Variants in CTIF observed in about 807,000 individuals in gnomAD.
CTIF encodes the protein cap binding complex dependent translation initiation factor.
Under a neutral mutation model 66.0 loss-of-function variants are expected in CTIF, and 21 were observed. The ratio of observed to expected loss-of-function variants is 0.32; its 90% CI spans 0.23 to 0.46. The LOEUF (loss-of-function observed/expected upper bound fraction) is 0.46. Ranked by LOEUF, CTIF falls within the 20% of genes least tolerant of loss-of-function variation. CTIF has a pLI of 1.00. For synonymous variants in CTIF, 345 were observed against 326.4 expected (o/e 1.06, Z -0.62); for missense variants, 739 against 812.7 (o/e 0.91, Z 1.10).
rs1479132492 is a variant in CTIF at position 48,636,641 on chromosome 18, G to A, written c.208G>A (p.Asp70Asn). Reference sequence around the variant, plus strand: ...GACAGCGGACTGCAGCGAACCGCTGGACAGCAGCTGTTCCTTCTCCCGAGG... The same window carrying A: ...GACAGCGGACTGCAGCGAACCGCTGAACAGCAGCTGTTCCTTCTCCCGAGG... ...QWTADCSEPL[D>N]SSCSFSRGRA... is the part of the protein sequence containing the mutation. The change falls in exon 3 of 12, where the codon GAC becomes AAC. Residue 70 changes from aspartate to asparagine, a missense_variant. By Grantham distance (23) the Asp-to-Asn change is conservative (BLOSUM62 1). Coordinates refer to ENST00000256413, the MANE Select transcript of CTIF (RefSeq NM_014772.3). The A allele has an allele frequency of 1.3e-5, 20 of 1,597,528 alleles. No individual in the cohort carries two copies. Among genetic ancestry groups the A allele is most frequent in the Non-Finnish European group, 1.6e-5 (19 of 1,173,608 alleles).
chr18:48,859,143 T>C (rs970952498), intron 11 of CTIF, among the ~76,000 whole-genome samples: 1 of 152,116 alleles, frequency 6.6e-6, no homozygotes, highest in African/African-American at 2.4e-5. Flanking sequence ...TGCTGGCAGA[T>C]TGGTTGGTAA....
intron 9 of CTIF, among the ~76,000 whole-genome samples, chr18:48,767,795 A>C (rs1185763569): frequency 2.6e-5 from 4 of 152,212 alleles, no homozygotes; most frequent in Non-Finnish European, 4.4e-5. Flanking sequence ...GAAACTCTTC[A>C]GAGTTTCTGG....
At chr18:48,754,489 A>G (rs1908149496) in intron 7 of CTIF, among the ~76,000 whole-genome samples, 1 of 152,216 alleles carries the variant, frequency 6.6e-6, no homozygotes, top group South Asian at 2.1e-4. Context: ...GAAGAAGGAA[A>G]AGGGAGGACA....
At chr18:48,612,159 T>C (rs199954849) in intron 1 of CTIF, among the ~76,000 whole-genome samples, 1 of 152,234 alleles carries the variant, frequency 6.6e-6, no homozygotes, top group Admixed American at 6.5e-5. Context: ...GGTTGAATTA[T>C]CAGGCCAGAG....
chr18:48,850,063 G>T (rs1404299033), intron 10 of CTIF, among the ~76,000 whole-genome samples: 1 of 152,032 alleles, frequency 6.6e-6, no homozygotes, highest in Non-Finnish European at 1.5e-5. Flanking sequence ...TCTGCTCCCT[G>T]TCTGTATGAA....
Position 48,664,431 on chromosome 18 carries a change from C to G in CTIF, c.327-16C>G, listed in dbSNP as rs987250717. On this transcript the variant is annotated splice_polypyrimidine_tract_variant and intron_variant, in intron 4 of 11. Transcript: ENST00000256413. ...TGCCCTCTTGCCTCCGTTTCTCACC[C>G]TCCCTCGCCCTCTAGTGGTGCCACC... 6.2e-7 allele frequency: 1 copy of G among 1,608,198 alleles called. No homozygotes were observed. Among genetic ancestry groups the G allele is most frequent in the African/African-American group, 1.3e-5 (1 of 74,834 alleles).
At chr18:48,730,034 C>A (rs2092423500) in intron 7 of CTIF, among the ~76,000 whole-genome samples, 1 of 152,224 alleles carries the variant, frequency 6.6e-6, no homozygotes. Context: ...CGGCTTTGTC[C>A]ACAGCTGTGC....
intron 7 of CTIF, among the ~76,000 whole-genome samples, chr18:48,752,209 A>G (rs1053883555): frequency 1.3e-5 from 2 of 152,212 alleles, no homozygotes; most frequent in Admixed American, 1.3e-4. Context: ...CACAAAATCT[A>G]TTGGAGTGGG....
chr18:48,614,365 A>C (rs902338236), intron 1 of CTIF, among the ~76,000 whole-genome samples: 4 of 152,240 alleles, frequency 2.6e-5, no homozygotes, highest in Non-Finnish European at 4.4e-5. Flanking sequence ...TGGATACCCC[A>C]AAGAATAAAC....
intron 6 of CTIF, among the ~76,000 whole-genome samples, chr18:48,708,844 C>G (rs1201755137): frequency 6.6e-6 from 1 of 152,198 alleles, no homozygotes; most frequent in Non-Finnish European, 1.5e-5. Context: ...CCCATGCCCT[C>G]CCTCCCTGCA....
At chr18:48,781,407 G>A (rs866723981) in intron 9 of CTIF, among the ~76,000 whole-genome samples, 1 of 152,358 alleles carries the variant, frequency 6.6e-6, no homozygotes, top group East Asian at 1.9e-4. Flanking sequence ...GGCCCCAGGG[G>A]CCAGTGGCTG....
chr18:48,551,843 G>T (rs1425106073), intron 1 of CTIF, among the ~76,000 whole-genome samples: 2 of 151,958 alleles, frequency 1.3e-5, no homozygotes. Context: ...TGTCACCCAG[G>T]CTGGAGTGTA....
chr18:48,636,698 C>A lies in CTIF; in HGVS notation c.252+13C>A. 6.3e-7 allele frequency: 1 copy of A among 1,581,728 alleles called. No homozygotes were observed. Among genetic ancestry groups the A allele is most frequent in the South Asian group, 1.2e-5 (1 of 84,658 alleles). ...CCCCCCACAGCAGGTAGGGAACCAG[C>A]TCTGCGCTCTGTCTGGGGGTGTCCT... On this transcript the variant is annotated intron_variant, in intron 3 of 11. Coordinates refer to ENST00000256413, the MANE Select transcript of CTIF (RefSeq NM_014772.3).
At chr18:48,818,984 G>C (rs1489979050) in intron 10 of CTIF, among the ~76,000 whole-genome samples, 23 of 152,184 alleles carry the variant, frequency 1.5e-4, no homozygotes. Context: ...GACAATAATA[G>C]AGCAATTTAA....
chr18:48,582,436 T>A (rs1011103767), intron 1 of CTIF, among the ~76,000 whole-genome samples: 1 of 152,128 alleles, frequency 6.6e-6, no homozygotes, highest in Non-Finnish European at 1.5e-5. Flanking sequence ...TGGGGTTGAT[T>A]CTGTCTGGCT....
chr18:48,785,327 T>C (rs1291394639), intron 9 of CTIF, among the ~76,000 whole-genome samples: 1 of 152,180 alleles, frequency 6.6e-6, no homozygotes, highest in Admixed American at 6.5e-5. Context: ...GAAAAATAAT[T>C]TGCAGAAATG....
intron 9 of CTIF, among the ~76,000 whole-genome samples, chr18:48,762,725 G>A (rs1328287759): frequency 2.0e-5 from 3 of 152,202 alleles, no homozygotes; most frequent in Non-Finnish European, 4.4e-5. Context: ...AAAGTCAAAG[G>A]GGGTTCAGTT....
At chr18:48,539,440 A>T (rs1428711448) in intron 1 of CTIF, 128 bp downstream of exon 1, 1 of 151,818 alleles carries the variant, frequency 6.6e-6, no homozygotes, top group Non-Finnish European at 1.5e-5. Flanking sequence ...GCCCCAAACA[A>T]TCAGCCCCCT....
Position 48,670,690 on chromosome 18 carries a change from A to G in CTIF, c.453A>G (p.Glu151=), listed in dbSNP as rs766164347. 2.0e-5 allele frequency: 32 copies of G among 1,613,996 alleles called. No individual in the cohort carries two copies. The highest frequency in any genetic ancestry group is 2.4e-5 in the Non-Finnish European group (28 of 1,179,972). The stretch of plus-strand genomic sequence containing the variant: ...CCAGGTGTGGCAAAGGGAAGCTGGA[A>G]GATGGGGATGGCATCAACCTGAATG... ...DREGCGKGKL[E]DGDGINLNDI... is the part of the protein sequence containing the mutation. The change falls in exon 6 of 12, where the codon GAA becomes GAG. Residue 151 remains glutamate (E), a synonymous_variant. Transcript: ENST00000256413.
Sources: allele counts gnomAD v4.1 joint callset (sites outside exome capture counted in the v4.1 genomes callset), GRCh38; gene constraint gnomAD v4.1.1; transcripts MANE v1.5; gene names NCBI Gene and HGNC (gene_info 2026-07-23, HGNC 2026-07-21).